Variants in DGKI observed in about 807,000 individuals in gnomAD.
The protein encoded by DGKI is DAG kinase iota.
In DGKI, 55 loss-of-function variants were observed where a neutral mutation model predicts 147.5. The observed-to-expected ratio is 0.37, with a 90% CI of 0.30 to 0.47. The LOEUF is 0.47. Ranked by LOEUF, DGKI falls within the 20% of genes least tolerant of loss-of-function variation. DGKI has a pLI of 1.00. For synonymous variants in DGKI, 469 were observed against 477.1 expected, an observed-to-expected ratio of 0.98 and a Z score of 0.22; for missense variants, 1,007 against 1,323.8, an observed-to-expected ratio of 0.76 and a Z score of 3.71.
intron 21 of DGKI, among the ~76,000 whole-genome samples, chr7:137,502,362 T>C (rs2128943128): frequency 6.6e-6 from 1 of 152,294 alleles, no homozygotes; most frequent in Non-Finnish European, 1.5e-5. Context: ...ATATTAAAGA[T>C]ACATAATTGT....
chr7:137,719,258 C>G (rs912382449), intron 1 of DGKI, among the ~76,000 whole-genome samples: 5 of 152,044 alleles, frequency 3.3e-5, no homozygotes, highest in Non-Finnish European at 4.4e-5. Flanking sequence ...CTTCAAGTCC[C>G]CTCCACAGCA....
At chr7:137,418,429 T>C (rs1812439738) in intron 28 of DGKI, among the ~76,000 whole-genome samples, 1 of 152,198 alleles carries the variant, frequency 6.6e-6, no homozygotes, top group African/African-American at 2.4e-5. Flanking sequence ...AGTTGGCATA[T>C]GACTACTTCT....
In DGKI at chr7:137,386,046, C is replaced by T. The variant is rs1248492763; in HGVS notation, c.*5174G>A. Reference sequence around the variant, plus strand: ...TGATTGATTCATGGACATATGATTACATGCATAACTGAATACATATGTAAA... The same window carrying T: ...TGATTGATTCATGGACATATGATTATATGCATAACTGAATACATATGTAAA... On this transcript the variant is annotated 3_prime_UTR_variant, in exon 33 of 33. Coordinates refer to ENST00000614521, the MANE Select transcript of DGKI (RefSeq NM_001321708.2). 1 of 152,102 alleles carries T rather than the reference C, an allele frequency of 6.6e-6. No individual in the cohort carries two copies. The highest frequency in any genetic ancestry group is 1.5e-5 in the Non-Finnish European group (1 of 68,012). The allele number at this position is 152,102 out of a possible 1,614,324, so 9.4% of individuals were successfully genotyped here. A position where few individuals can be genotyped will look rare whatever the true frequency, so the allele number is the denominator to read the frequency against.
intron 1 of DGKI, among the ~76,000 whole-genome samples, chr7:137,773,358 G>C (rs1796267885): frequency 1.3e-5 from 2 of 152,296 alleles, no homozygotes; most frequent in South Asian, 4.1e-4. Context: ...TTGCCAAGAA[G>C]ATACTATCAG....
chr7:137,432,562 G>A (rs1280833769), intron 28 of DGKI, among the ~76,000 whole-genome samples: 1 of 151,988 alleles, frequency 6.6e-6, no homozygotes, highest in African/African-American at 2.4e-5. Context: ...CTCACAATAA[G>A]CCTATTAGAT....
intron 21 of DGKI, among the ~76,000 whole-genome samples, chr7:137,505,167 G>T (rs1357714500): frequency 6.6e-6 from 1 of 151,860 alleles, no homozygotes; most frequent in Non-Finnish European, 1.5e-5. Context: ...AAAACAAAAA[G>T]AAAACTGATC....
intron 1 of DGKI, among the ~76,000 whole-genome samples, chr7:137,719,555 G>GAA (rs1202979135): frequency 6.6e-6 from 1 of 152,050 alleles, no homozygotes; most frequent in Non-Finnish European, 1.5e-5. Context: ...ATCTGAGGCT[G>GAA]GTTGGGAAGG....
At position 137,559,339 on chromosome 7, in the gene DGKI, G is replaced by A. The variant is rs190240338; in HGVS notation, c.1948-6771C>T. On this transcript the variant is annotated intron_variant, in intron 19 of 32. Transcript: ENST00000614521. ...GCCCGCCTCGGCCTCCCAAAGTGCT[G>A]GGATTACAGGCGTGAGCCACCGCGC... is the stretch of plus-strand genomic sequence containing the variant. Among the ~76,000 whole-genome samples, 146 of 151,884 alleles carry A rather than the reference G, an allele frequency of 9.6e-4. 1 individual carries two copies. Among genetic ancestry groups the A allele is most frequent in the African/African-American group, 3.3e-3 (138 of 41,424 alleles).
At chr7:137,500,666 C>T (rs1275293873) in intron 21 of DGKI, among the ~76,000 whole-genome samples, 2 of 151,902 alleles carry the variant, frequency 1.3e-5, no homozygotes, top group African/African-American at 2.4e-5. Flanking sequence ...CTGAATTGCC[C>T]AAAGCTTTAT....
chr7:137,467,913 GT>G, intron 24 of DGKI, among the ~76,000 whole-genome samples: 1 of 151,528 alleles, frequency 6.6e-6, no homozygotes, highest in Admixed American at 6.6e-5. Flanking sequence ...GAGCCCAGGA[GT>G]TCAAGGCTGC....
At chr7:137,629,294 G>A (rs1023301751) in intron 6 of DGKI, among the ~76,000 whole-genome samples, 1 of 151,808 alleles carries the variant, frequency 6.6e-6, no homozygotes, top group Non-Finnish European at 1.5e-5. Flanking sequence ...TTAATTAATG[G>A]CAAAGTTAAG....
intron 25 of DGKI, 65 bp from the exon 26 acceptor site, chr7:137,466,100 A>C: frequency 6.3e-7 from 1 of 1,578,570 alleles, no homozygotes; most frequent in Non-Finnish European, 8.7e-7. Flanking sequence ...GTCTCGAGGA[A>C]TAATGAAATT....
chr7:137,729,155 G>A (rs1794798164), intron 1 of DGKI, among the ~76,000 whole-genome samples: 1 of 152,056 alleles, frequency 6.6e-6, no homozygotes, highest in Admixed American at 6.6e-5. Flanking sequence ...ATTTTGCTAG[G>A]TGGGGTATTT....
chr7:137,460,343 C>T (rs13228382), intron 27 of DGKI, among the ~76,000 whole-genome samples: 13 of 152,098 alleles, frequency 8.5e-5, no homozygotes, highest in Non-Finnish European at 1.3e-4. Flanking sequence ...AAATCACTAT[C>T]GAAATAGAGA....
Position 137,675,029 on chromosome 7 carries a change from C to T in DGKI, c.606+3528G>A, listed in dbSNP as rs530442463. 2.0e-5 allele frequency among the ~76,000 whole-genome samples: 3 copies of T among 152,310 alleles called. No homozygotes were observed. In the South Asian group the frequency reaches 6.2e-4, roughly 32 times the overall value. On this transcript the variant is annotated intron_variant, in intron 3 of 32. Coordinates refer to ENST00000614521, the MANE Select transcript of DGKI (RefSeq NM_001321708.2). ...GTCCCAGCCCCAACAGGTAGGCTTTCTTCAAAGGTGGTTCATTAAAAGAAA... is the reference window on the plus strand; with the variant it reads ...GTCCCAGCCCCAACAGGTAGGCTTTTTTCAAAGGTGGTTCATTAAAAGAAA...
intron 1 of DGKI, among the ~76,000 whole-genome samples, chr7:137,803,059 G>A (rs1797262039): frequency 6.6e-6 from 1 of 152,210 alleles, no homozygotes; most frequent in South Asian, 2.1e-4. Context: ...AGGGAATCCA[G>A]AGGAAAGGCC....
At chr7:137,552,158 G>A (rs951083676) in intron 20 of DGKI, among the ~76,000 whole-genome samples, 8 of 152,126 alleles carry the variant, frequency 5.3e-5, no homozygotes, top group African/African-American at 1.9e-4. Context: ...CTCATGTACA[G>A]TAATAACTAC....
intron 15 of DGKI, among the ~76,000 whole-genome samples, chr7:137,580,443 C>G (rs1819148365): frequency 6.6e-6 from 1 of 152,102 alleles, no homozygotes; most frequent in Non-Finnish European, 1.5e-5. Flanking sequence ...GGTAGTGTTT[C>G]TGACTCAGGA....
intron 6 of DGKI, among the ~76,000 whole-genome samples, chr7:137,624,421 A>G (rs910134949): frequency 1.3e-5 from 2 of 152,218 alleles, no homozygotes; most frequent in Non-Finnish European, 2.9e-5. Flanking sequence ...ATAGGCAGGA[A>G]AGCTATTCAA....
Sources: gnomAD v4.1 joint callset for allele counts (sites outside exome capture counted in the v4.1 genomes callset) on GRCh38, gnomAD v4.1.1 for gene constraint, MANE v1.5 for transcripts, NCBI Gene and HGNC (gene_info 2026-07-23, HGNC 2026-07-21) for gene names.